MAML3: variants seen among roughly 807,000 people sequenced by gnomAD.
MAML3 encodes the protein mastermind-like protein 3.
MAML3 carries 27 observed loss-of-function variants against 101.9 expected under a neutral mutation model. The observed-to-expected ratio is 0.27, with a 90% CI of 0.20 to 0.37. MAML3 has a LOEUF of 0.37. Among genes scored for constraint, MAML3 ranks in the 10% least tolerant of loss-of-function variants. MAML3 has a pLI of 1.00. For synonymous variants in MAML3, 501 were observed against 555.9 expected (o/e 0.90, Z 1.39); for missense variants, 1,316 against 1,444.9 (o/e 0.91, Z 1.45).
At chr4:139,963,213 G>A (rs903214757) in intron 1 of MAML3, among the ~76,000 whole-genome samples, 3 of 152,174 alleles carry the variant, frequency 2.0e-5, no homozygotes, top group Non-Finnish European at 4.4e-5. Context: ...GAGGCCAGGA[G>A]TTCAAGACTA....
At chr4:140,104,026 G>A (rs911422065) in intron 1 of MAML3, among the ~76,000 whole-genome samples, 20 of 152,102 alleles carry the variant, frequency 1.3e-4, no homozygotes, top group Admixed American at 2.6e-4. Context: ...GATACAGTAC[G>A]TGCACTGTTG....
chr4:140,018,584 G>T (rs763222147), intron 1 of MAML3, among the ~76,000 whole-genome samples: 16 of 152,154 alleles, frequency 1.1e-4, no homozygotes, highest in Non-Finnish European at 2.1e-4. Context: ...TCTAATAGTT[G>T]CTTGCAGCCA....
intron 2 of MAML3, among the ~76,000 whole-genome samples, chr4:139,769,959 G>A (rs981893158): frequency 6.4e-5 from 9 of 139,632 alleles, no homozygotes; most frequent in Admixed American, 2.3e-4. Context: ...TCCCTCTGTT[G>A]CCCAGTCCGG....
At chr4:140,065,594 A>G (rs929397598) in intron 1 of MAML3, among the ~76,000 whole-genome samples, 1 of 152,212 alleles carries the variant, frequency 6.6e-6, no homozygotes, top group Non-Finnish European at 1.5e-5. Flanking sequence ...TAGCAAGGCT[A>G]GCAGAGTTTG....
intron 1 of MAML3, among the ~76,000 whole-genome samples, chr4:139,924,213 T>C (rs958189202): frequency 7.2e-5 from 11 of 152,210 alleles, no homozygotes; most frequent in African/African-American, 2.7e-4. Flanking sequence ...GGCTGAATTG[T>C]AATAAAATCA....
At chr4:140,051,829 C>T (rs1460559337) in intron 1 of MAML3, among the ~76,000 whole-genome samples, 2 of 152,090 alleles carry the variant, frequency 1.3e-5, no homozygotes, top group African/African-American at 2.4e-5. Context: ...GTTCATCCAA[C>T]GTCACAGAGC....
intron 2 of MAML3, among the ~76,000 whole-genome samples, chr4:139,816,066 T>TCAGGAG (rs1388421488): frequency 6.6e-6 from 1 of 152,084 alleles, no homozygotes; most frequent in Non-Finnish European, 1.5e-5. Context: ...GGTGAGTCAG[T>TCAGGAG]CAGGAGGGGA....
At chr4:139,975,261 T>G (rs186584242) in intron 1 of MAML3, among the ~76,000 whole-genome samples, 1 of 152,270 alleles carries the variant, frequency 6.6e-6, no homozygotes, top group East Asian at 1.9e-4. Context: ...CAGGCACACT[T>G]CAAGCATTTT....
intron 1 of MAML3, among the ~76,000 whole-genome samples, chr4:139,921,277 T>C (rs1327333046): frequency 6.6e-6 from 1 of 152,190 alleles, no homozygotes; most frequent in Non-Finnish European, 1.5e-5. Flanking sequence ...CTTTCCAGCT[T>C]CTGGTCAGTT....
chr4:139,779,406 T>C (rs1026529092), intron 2 of MAML3, among the ~76,000 whole-genome samples: 1 of 152,332 alleles, frequency 6.6e-6, no homozygotes, highest in Non-Finnish European at 1.5e-5. Flanking sequence ...AGAAACTTAA[T>C]TTAAAAATAA....
At chr4:139,939,955 G>A (rs891740989) in intron 1 of MAML3, among the ~76,000 whole-genome samples, 3 of 151,922 alleles carry the variant, frequency 2.0e-5, no homozygotes, top group Non-Finnish European at 4.4e-5. Context: ...TAGTAGAGAC[G>A]GTGTTTCACC....
intron 1 of MAML3, among the ~76,000 whole-genome samples, chr4:139,996,052 T>C (rs1172750167): frequency 6.6e-6 from 1 of 152,088 alleles, no homozygotes; most frequent in African/African-American, 2.4e-5. Flanking sequence ...TATTCAGGAG[T>C]GTTGTCCAAT....
chr4:140,102,956 C>CT (rs1728276768), intron 1 of MAML3, among the ~76,000 whole-genome samples: 1 of 152,170 alleles, frequency 6.6e-6, no homozygotes, highest in South Asian at 2.1e-4. Context: ...AAAACTGACA[C>CT]TTAGCAAGGC....
intron 1 of MAML3, among the ~76,000 whole-genome samples, chr4:140,074,262 A>AAAGAAAGAAAGG (rs1727730089): frequency 6.6e-6 from 1 of 151,218 alleles, no homozygotes; most frequent in Non-Finnish European, 1.5e-5. Context: ...AGAAAGAAAG[A>AAAGAAAGAAAGG]GGACATGTGT....
chr4:140,081,623 G>A (rs1727862978), intron 1 of MAML3, among the ~76,000 whole-genome samples: 1 of 152,180 alleles, frequency 6.6e-6, no homozygotes, highest in Non-Finnish European at 1.5e-5. Flanking sequence ...CCCAATTTGA[G>A]AAATTCTGTG....
rs989603082 is a variant in MAML3 at position 139,735,314 on chromosome 4, G to GC, written c.2080-4648dup. Among the ~76,000 whole-genome samples, 5 of 152,176 alleles carry GC rather than the reference G, an allele frequency of 3.3e-5. No individual in the cohort carries two copies. Among genetic ancestry groups the GC allele is most frequent in the Non-Finnish European group, 7.3e-5 (5 of 68,034 alleles). On this transcript the variant is annotated intron_variant, in intron 2 of 4. Transcript: ENST00000509479. The surrounding 1 kb of genome is among the most constrained non-coding windows in gnomAD (Gnocchi z 5.8). ...TTGCCGTGTATCTCTGGGGTTATCT[G>GC]CCCCCCTCCTCCGACTGACACTGAA...
At chr4:139,779,253 A>G (rs945586357) in intron 2 of MAML3, among the ~76,000 whole-genome samples, 1 of 152,164 alleles carries the variant, frequency 6.6e-6, no homozygotes. Context: ...GGGGGGCTCT[A>G]TAAATGCTAA....
At chr4:139,897,324 G>C (rs1418470372) in intron 1 of MAML3, among the ~76,000 whole-genome samples, 2 of 151,084 alleles carry the variant, frequency 1.3e-5, no homozygotes, top group Admixed American at 1.3e-4. Flanking sequence ...CAGGGGGCTG[G>C]GCAGAAGATG....
chr4:139,759,848 G>C (rs776792754), intron 2 of MAML3, among the ~76,000 whole-genome samples: 2 of 152,200 alleles, frequency 1.3e-5, no homozygotes, highest in African/African-American at 4.8e-5. Flanking sequence ...TTTCACACAG[G>C]GGGTAAAGGC....
Sources: allele counts gnomAD v4.1 joint callset (sites outside exome capture counted in the v4.1 genomes callset), GRCh38; gene constraint gnomAD v4.1.1; non-coding constraint Gnocchi (gnomAD v3.1); transcripts MANE v1.5; gene names NCBI Gene and HGNC (gene_info 2026-07-23, HGNC 2026-07-21).